The following LPCAT3 variants were observed in gnomAD, a reference collection of about 807,000 sequenced individuals.
The protein encoded by LPCAT3 is lysophosphatidylcholine acyltransferase 3.
In LPCAT3, 21 loss-of-function variants were observed where a neutral mutation model predicts 63.4. That is an observed-to-expected ratio of 0.33 (90% CI 0.23 to 0.48). LPCAT3 has a LOEUF of 0.48. Among genes scored for constraint, LPCAT3 ranks in the 20% least tolerant of loss-of-function variants. The pLI, the probability that LPCAT3 is intolerant of heterozygous loss-of-function variation, is 0.99. For missense variants in LPCAT3, 451 were observed against 590.6 expected (o/e 0.76, Z 2.45); for synonymous variants, 242 against 227.5 (o/e 1.06, Z -0.58).
intron 6 of LPCAT3, among the ~76,000 whole-genome samples, chr12:6,980,299 T>G (rs1167496490): frequency 2.0e-5 from 3 of 152,130 alleles, no homozygotes; most frequent in African/African-American, 7.2e-5. Context: ...TGCCTTGGCC[T>G]CCCAGAGCGT....
chr12:7,001,335 G>A, intron 1 of LPCAT3: 1 of 415,778 alleles, frequency 2.4e-6, no homozygotes, highest in South Asian at 1.7e-5. Context: ...TTTTCTTAAA[G>A]AAGATATCCA....
intron 1 of LPCAT3, among the ~76,000 whole-genome samples, chr12:7,001,850 AAAG>A (rs1336392496): frequency 6.6e-6 from 1 of 152,154 alleles, no homozygotes; most frequent in East Asian, 1.9e-4. Flanking sequence ...TGACATTGGA[AAAG>A]AAGGGGAGGA....
chr12:6,990,608 T>A (rs1314254545), intron 1 of LPCAT3, among the ~76,000 whole-genome samples: 1 of 151,524 alleles, frequency 6.6e-6, no homozygotes, highest in Non-Finnish European at 1.5e-5. Flanking sequence ...GAACTATATA[T>A]CAATGTCTAC....
intron 1 of LPCAT3, among the ~76,000 whole-genome samples, chr12:6,985,585 G>A (rs373818689): frequency 6.6e-6 from 1 of 150,730 alleles, no homozygotes; most frequent in Non-Finnish European, 1.5e-5. Context: ...TGTGGTGGCG[G>A]GTGCCTGTAA....
At chr12:7,007,301 T>C (rs1255274171) in intron 1 of LPCAT3, among the ~76,000 whole-genome samples, 1 of 152,018 alleles carries the variant, frequency 6.6e-6, no homozygotes, top group Non-Finnish European at 1.5e-5. Flanking sequence ...TCCACCCACC[T>C]TGGCTTTCCA....
chr12:7,014,379 A>G (rs1946784097), intron 1 of LPCAT3, among the ~76,000 whole-genome samples: 1 of 152,154 alleles, frequency 6.6e-6, no homozygotes, highest in Non-Finnish European at 1.5e-5. Context: ...ATGAGATCCA[A>G]GCTGTTGAAG....
chr12:6,991,337 T>C (rs1407669798), intron 1 of LPCAT3, among the ~76,000 whole-genome samples: 3 of 152,262 alleles, frequency 2.0e-5, no homozygotes, highest in Admixed American at 1.3e-4. Context: ...TTAGGAACTT[T>C]TGTTATAATA....
Position 6,981,034 on chromosome 12 carries a change from A to T in LPCAT3, c.647T>A (p.Leu216Gln), listed in dbSNP as rs1946466331. Residue 216 changes from leucine to glutamine, a missense_variant, in exon 6 of 13, where the codon CTG becomes CAG. Physicochemically the swap from Leu to Gln is moderately radical, Grantham distance 113 (BLOSUM62 -2). Around this residue, in one of 3 missense-constraint regions of LPCAT3, gnomAD observed 304 missense variants for 390.8 expected, o/e 0.78. Coordinates refer to ENST00000261407, the MANE Select transcript of LPCAT3 (RefSeq NM_005768.6). ...TGGTATCTTTCCTGGTATGTCAATC[A>T]GCTCTCCCTGCACCAGCTTCATGTA... ...NHYMKLVQGE[L>Q]IDIPGKIPNS... 6.2e-7 allele frequency: 1 copy of T among 1,604,326 alleles called. No homozygotes were observed. The highest frequency in any genetic ancestry group is 1.3e-5 in the African/African-American group (1 of 74,244).
At chr12:7,016,562 C>T (rs1946798839) in intron 1 of LPCAT3, among the ~76,000 whole-genome samples, 1 of 152,182 alleles carries the variant, frequency 6.6e-6, no homozygotes, top group East Asian at 1.9e-4. Context: ...CAGGCATGTG[C>T]CCCTGCGCCT....
intron 9 of LPCAT3, 90 bp downstream of exon 9, chr12:6,978,251 A>G: frequency 6.9e-7 from 1 of 1,443,664 alleles, no homozygotes; most frequent in Middle Eastern, 2.6e-4. Flanking sequence ...GGAAAGACGC[A>G]TAGGGGTGAC....
Position 6,981,106 on chromosome 12 carries a change from T to C in LPCAT3, c.575A>G (p.Tyr192Cys). 2 of 1,613,916 alleles carry C rather than the reference T, an allele frequency of 1.2e-6. No individual in the cohort carries two copies. The highest frequency in any genetic ancestry group is 1.7e-6 in the Non-Finnish European group (2 of 1,179,920). ...PSLLEVAGFSYFYGAFLVGPQ... is the reference protein window; with the variant it reads ...PSLLEVAGFSCFYGAFLVGPQ... ...CCCTACCAAGAAGGCCCCATAGAAG[T>C]AGGAGAAACCAGCAACTTCCAGCAG... The change falls in exon 6 of 13, where the codon TAC (tyrosine) becomes TGC (cysteine). Residue 192 changes from tyrosine (Y) to cysteine (C), a missense_variant. Coordinates refer to ENST00000261407, the MANE Select transcript of LPCAT3 (RefSeq NM_005768.6).
intron 1 of LPCAT3, among the ~76,000 whole-genome samples, chr12:7,003,427 C>T (rs1555156671): frequency 6.6e-6 from 1 of 150,710 alleles, no homozygotes; most frequent in South Asian, 2.1e-4. Flanking sequence ...TCTCACTGAA[C>T]TGAATACATT....
chr12:7,013,508 A>T (rs1946779104), intron 1 of LPCAT3, among the ~76,000 whole-genome samples: 1 of 152,180 alleles, frequency 6.6e-6, no homozygotes, highest in South Asian at 2.1e-4. Flanking sequence ...GATGGAGAAT[A>T]GTAGATGGAT....
intron 1 of LPCAT3, among the ~76,000 whole-genome samples, chr12:6,985,259 G>A (rs868945618): frequency 1.3e-5 from 2 of 152,134 alleles, no homozygotes; most frequent in Middle Eastern, 3.4e-3. Context: ...AGCCGGGTGT[G>A]GTGGCGGGCG....
intron 2 of LPCAT3, 178 bp downstream of exon 2, chr12:6,983,254 A>G (rs1237903129): frequency 3.6e-6 from 2 of 556,698 alleles, no homozygotes; most frequent in Non-Finnish European, 6.4e-6. Context: ...TGACAGAAGA[A>G]TGTACATAAA....
At chr12:6,995,396 C>T (rs1946628015) in intron 1 of LPCAT3, among the ~76,000 whole-genome samples, 1 of 151,948 alleles carries the variant, frequency 6.6e-6, no homozygotes, top group African/African-American at 2.4e-5. Flanking sequence ...ATCGCTTGAA[C>T]CCAGGAGGCG....
At chr12:6,983,194 C>A (rs1946487994) in intron 2 of LPCAT3, 1 of 463,326 alleles carries the variant, frequency 2.2e-6, no homozygotes, top group South Asian at 2.2e-5. Flanking sequence ...ACTGAGGATT[C>A]TTTGTTGATG....
intron 2 of LPCAT3, chr12:6,983,010 C>A (rs1946486724): frequency 1.7e-6 from 1 of 603,534 alleles, no homozygotes; most frequent in Non-Finnish European, 3.1e-6. Context: ...AGAGATGCGA[C>A]TTGCTCTGTT....
At chr12:7,015,208 T>C (rs1305846273) in intron 1 of LPCAT3, among the ~76,000 whole-genome samples, 1 of 152,252 alleles carries the variant, frequency 6.6e-6, no homozygotes, top group African/African-American at 2.4e-5. Flanking sequence ...GTAATTAGAC[T>C]ATCTGATTAA....
Sources: gnomAD v4.1 joint callset for allele counts (sites outside exome capture counted in the v4.1 genomes callset) on GRCh38, gnomAD v4.1.1 for gene constraint, gnomAD v4.1.1 regional missense constraint, MANE v1.5 for transcripts, NCBI Gene and HGNC (gene_info 2026-07-23, HGNC 2026-07-21) for gene names.